The following ATRNL1 variants were observed in gnomAD, a reference collection of about 807,000 sequenced individuals.
ATRNL1 encodes attractin like 1, also known as attractin-like protein 1.
ATRNL1 carries 95 observed loss-of-function variants against 182.7 expected under a neutral mutation model. The observed-to-expected ratio is 0.52, with a 90% CI of 0.44 to 0.62. The LOEUF (loss-of-function observed/expected upper bound fraction) is 0.62. ATRNL1 is among the 20% of genes least tolerant of loss of function. ATRNL1 has a pLI of 0.00. For missense variants in ATRNL1, 1,471 were observed against 1,679.5 expected, an observed-to-expected ratio of 0.88 and a Z score of 2.17; for synonymous variants, 576 against 568.3, an observed-to-expected ratio of 1.01 and a Z score of -0.19.
intron 19 of ATRNL1, among the ~76,000 whole-genome samples, chr10:115,390,654 A>T (rs1015911317): frequency 6.6e-6 from 1 of 152,144 alleles, no homozygotes; most frequent in Non-Finnish European, 1.5e-5. Flanking sequence ...TAATTTCCAT[A>T]TGAATTTTAA....
intron 27 of ATRNL1, among the ~76,000 whole-genome samples, chr10:115,823,302 C>T (rs192779594): frequency 1.1e-3 from 168 of 152,256 alleles, no homozygotes; most frequent in African/African-American, 3.4e-3. Flanking sequence ...ATATTTATGA[C>T]AGACCCACAG....
chr10:115,325,057 A>C (rs11197162), intron 18 of ATRNL1, among the ~76,000 whole-genome samples: 32,986 of 152,014 alleles, frequency 0.22, 4,549 homozygotes, highest in Non-Finnish European at 0.31. Flanking sequence ...GATATTTTTA[A>C]ATGTTGCGCA....
At chr10:115,587,957 G>T (rs11197319) in intron 26 of ATRNL1, among the ~76,000 whole-genome samples, 72,256 of 151,768 alleles carry the variant, frequency 0.48, 18,649 homozygotes, top group East Asian at 0.84. Flanking sequence ...TGAAAAAAAG[G>T]AGAAAGAAAT....
At chr10:115,800,884 G>A (rs147507633) in intron 27 of ATRNL1, among the ~76,000 whole-genome samples, 214 of 152,214 alleles carry the variant, frequency 1.4e-3, no homozygotes, top group African/African-American at 4.8e-3. Flanking sequence ...AGAAATAAAT[G>A]TCTGTTGGTT....
intron 5 of ATRNL1, among the ~76,000 whole-genome samples, chr10:115,131,041 T>G (rs1554875045): frequency 6.6e-6 from 1 of 152,160 alleles, no homozygotes; most frequent in African/African-American, 2.4e-5. Context: ...AGAATTTTTT[T>G]CTGGCCTTTG....
intron 15 of ATRNL1, among the ~76,000 whole-genome samples, chr10:115,288,085 T>A (rs1852716248): frequency 6.6e-6 from 1 of 152,200 alleles, no homozygotes; most frequent in Non-Finnish European, 1.5e-5. Context: ...CTGAATATTA[T>A]CCCCTTACTT....
intron 28 of ATRNL1, among the ~76,000 whole-genome samples, chr10:115,932,509 T>G (rs1243389690): frequency 6.6e-6 from 1 of 152,220 alleles, no homozygotes; most frequent in Admixed American, 6.5e-5. Flanking sequence ...AAAAAAATCA[T>G]GATTCTCTAC....
chr10:115,707,836 A>G (rs1946947691), intron 26 of ATRNL1, among the ~76,000 whole-genome samples: 1 of 151,648 alleles, frequency 6.6e-6, no homozygotes, highest in Admixed American at 6.6e-5. Flanking sequence ...GTATTTCATT[A>G]ATATAGAATC....
intron 28 of ATRNL1, among the ~76,000 whole-genome samples, chr10:115,886,370 C>A (rs569148823): frequency 6.6e-6 from 1 of 152,062 alleles, no homozygotes; most frequent in African/African-American, 2.4e-5. Flanking sequence ...CAAAATTAGC[C>A]GGGTGTGGTG....
At chr10:115,418,095 G>T (rs782257040) in intron 20 of ATRNL1, among the ~76,000 whole-genome samples, 10 of 152,198 alleles carry the variant, frequency 6.6e-5, no homozygotes, top group Non-Finnish European at 1.2e-4. Context: ...TGGCCCTAAG[G>T]TGATGGAGAC....
intron 27 of ATRNL1, among the ~76,000 whole-genome samples, chr10:115,761,816 C>T (rs1948739870): frequency 1.3e-5 from 2 of 152,200 alleles, no homozygotes; most frequent in South Asian, 4.1e-4. Flanking sequence ...ACAATAATGA[C>T]TAATTCAGGA....
intron 19 of ATRNL1, among the ~76,000 whole-genome samples, chr10:115,387,970 T>A (rs1843753887): frequency 6.6e-6 from 1 of 152,182 alleles, no homozygotes; most frequent in Non-Finnish European, 1.5e-5. Flanking sequence ...ATTTTTAGTT[T>A]TATTGTGTGA....
rs1424098283 is a variant in ATRNL1 at position 115,533,009 on chromosome 10, G to A, written c.3716+13685G>A. 1.4e-4 allele frequency among the ~76,000 whole-genome samples: 21 copies of A among 151,802 alleles called. No individual in the cohort carries two copies. The South Asian group carries it at 1.5e-3, about 11-fold the overall frequency. On this transcript the variant is annotated intron_variant, in intron 25 of 28. Transcript: ENST00000355044. The stretch of plus-strand genomic sequence containing the variant: ...AGCTTTTTGATGTGCTGCTGGATTC[G>A]GTTTGCCAGTATTTTATTGAGGATT...
At chr10:115,602,549 A>G (rs1555016263) in intron 26 of ATRNL1, among the ~76,000 whole-genome samples, 1 of 152,136 alleles carries the variant, frequency 6.6e-6, no homozygotes, top group African/African-American at 2.4e-5. Context: ...GCTCCGTCCT[A>G]CAGGCCTGCC....
At chr10:115,251,793 T>C (rs1850889801) in intron 10 of ATRNL1, among the ~76,000 whole-genome samples, 1 of 152,198 alleles carries the variant, frequency 6.6e-6, no homozygotes, top group Non-Finnish European at 1.5e-5. Flanking sequence ...ATACTTTTCA[T>C]GTTTTACATG....
At chr10:115,741,434 C>G (rs1463182999) in intron 27 of ATRNL1, among the ~76,000 whole-genome samples, 5 of 152,030 alleles carry the variant, frequency 3.3e-5, no homozygotes, top group Admixed American at 3.3e-4. Context: ...GTGAGTGAGG[C>G]AGTGAGAAGG....
intron 26 of ATRNL1, among the ~76,000 whole-genome samples, chr10:115,557,864 G>A (rs1853404656): frequency 6.6e-6 from 1 of 152,040 alleles, no homozygotes; most frequent in Non-Finnish European, 1.5e-5. Context: ...GGCGAACATG[G>A]TGAAACCCCA....
At chr10:115,854,551 G>C (rs1555101378) in intron 28 of ATRNL1, among the ~76,000 whole-genome samples, 1 of 152,152 alleles carries the variant, frequency 6.6e-6, no homozygotes, top group African/African-American at 2.4e-5. Context: ...GATCCTGTGG[G>C]TCTTCAGCCA....
intron 21 of ATRNL1, among the ~76,000 whole-genome samples, chr10:115,452,333 A>G (rs1209185711): frequency 6.6e-6 from 1 of 152,178 alleles, no homozygotes; most frequent in Non-Finnish European, 1.5e-5. Flanking sequence ...TCTTAATGAC[A>G]TGCTTTTTTA....
Sources: allele counts gnomAD v4.1 joint callset (sites outside exome capture counted in the v4.1 genomes callset), GRCh38; gene constraint gnomAD v4.1.1; transcripts MANE v1.5; gene names NCBI Gene and HGNC (gene_info 2026-07-23, HGNC 2026-07-21).